The following NRXN1 variants were observed in gnomAD, a reference collection of about 807,000 sequenced individuals.
The protein encoded by NRXN1 is neurexin 1.
NRXN1 carries 39 observed loss-of-function variants against 150.9 expected under a neutral mutation model. The ratio of observed to expected loss-of-function variants is 0.26; its 90% confidence interval spans 0.20 to 0.34. The LOEUF (loss-of-function observed/expected upper bound fraction) is 0.34, where lower values mean the gene tolerates loss of function less well. NRXN1 is among the 10% of genes least tolerant of loss of function. The pLI is 1.00. For missense variants in NRXN1, 1,815 were observed against 1,949.9 expected (o/e 0.93, Z 1.30); for synonymous variants, 924 against 757.0 (o/e 1.22, Z -3.62).
At chr2:50,646,836 C>T (rs951252868) in intron 5 of NRXN1, among the ~76,000 whole-genome samples, 1 of 151,228 alleles carries the variant, frequency 6.6e-6, no homozygotes, top group African/African-American at 2.4e-5. Flanking sequence ...TATTTTATGC[C>T]CATTACTATA....
intron 21 of NRXN1, among the ~76,000 whole-genome samples, chr2:50,048,457 A>G (rs1436856836): frequency 6.6e-6 from 1 of 152,170 alleles, no homozygotes; most frequent in Non-Finnish European, 1.5e-5. Flanking sequence ...TTTAATAAAA[A>G]TAAAATTTTG....
intron 17 of NRXN1, among the ~76,000 whole-genome samples, chr2:50,253,784 C>A (rs569426629): frequency 6.6e-6 from 1 of 152,052 alleles, no homozygotes. Flanking sequence ...GGTGGATAAG[C>A]TTTTTGATGT....
intron 5 of NRXN1, among the ~76,000 whole-genome samples, chr2:50,655,133 G>T (rs947916207): frequency 2.6e-5 from 4 of 151,710 alleles, no homozygotes; most frequent in Admixed American, 6.6e-5. Flanking sequence ...GTGATTAAAT[G>T]GTAAATTGGA....
chr2:50,366,198 T>C (rs1020049647), intron 17 of NRXN1, among the ~76,000 whole-genome samples: 8 of 151,294 alleles, frequency 5.3e-5, no homozygotes, highest in Non-Finnish European at 1.2e-4. Context: ...GCTGACAGGT[T>C]AGAGAATGCA....
chr2:50,990,941 C>T (rs1698452348), intron 2 of NRXN1, among the ~76,000 whole-genome samples: 1 of 152,018 alleles, frequency 6.6e-6, no homozygotes, highest in Non-Finnish European at 1.5e-5. Flanking sequence ...TGGGAGCATC[C>T]AATAGACCTG....
At chr2:50,296,492 A>G (rs1205248646) in intron 17 of NRXN1, among the ~76,000 whole-genome samples, 2 of 129,896 alleles carry the variant, frequency 1.5e-5, no homozygotes, top group African/African-American at 5.2e-5. Context: ...CCCTCTGCAT[A>G]TCCATGTGTA....
chr2:50,743,719 C>T (rs1324217584), intron 5 of NRXN1, among the ~76,000 whole-genome samples: 1 of 152,152 alleles, frequency 6.6e-6, no homozygotes, highest in Admixed American at 6.5e-5. Context: ...CCATCTTCTC[C>T]TTTTCCTTAC....
intron 13 of NRXN1, among the ~76,000 whole-genome samples, chr2:50,504,064 A>G (rs13411340): frequency 0.051 from 7,699 of 151,674 alleles, 661 homozygotes; most frequent in African/African-American, 0.18. Flanking sequence ...ATACTTCAAC[A>G]ATGTTAATGT....
intron 21 of NRXN1, among the ~76,000 whole-genome samples, chr2:49,983,355 T>C (rs1310226720): frequency 2.0e-5 from 3 of 152,328 alleles, no homozygotes; most frequent in East Asian, 1.9e-4. Context: ...TAAATGTCAA[T>C]GTGATACTCA....
At chr2:50,245,245 G>A (rs2066389663) in intron 17 of NRXN1, among the ~76,000 whole-genome samples, 1 of 151,934 alleles carries the variant, frequency 6.6e-6, no homozygotes, top group African/African-American at 2.4e-5. Flanking sequence ...TCTTGGTCCA[G>A]GTTACCTGGC....
chr2:50,606,412 G>C (rs905380458), intron 8 of NRXN1, among the ~76,000 whole-genome samples: 12 of 151,816 alleles, frequency 7.9e-5, no homozygotes, highest in African/African-American at 2.9e-4. Context: ...TAGAAGCAAA[G>C]AATAGAATTG....
At chr2:50,971,833 G>A (rs1029883375) in intron 2 of NRXN1, among the ~76,000 whole-genome samples, 8 of 151,744 alleles carry the variant, frequency 5.3e-5, no homozygotes, top group Non-Finnish European at 1.2e-4. Flanking sequence ...ACAGATTTAC[G>A]CATTTACAGG....
At chr2:51,022,100 A>G (rs1312833149) in intron 2 of NRXN1, among the ~76,000 whole-genome samples, 1 of 152,088 alleles carries the variant, frequency 6.6e-6, no homozygotes, top group Non-Finnish European at 1.5e-5. Flanking sequence ...CTTTTAGACA[A>G]GAAGAAGTTC....
intron 5 of NRXN1, among the ~76,000 whole-genome samples, chr2:50,782,355 A>G (rs937837927): frequency 3.9e-5 from 6 of 152,044 alleles, no homozygotes. Context: ...TTGTAGTCCC[A>G]GCTACTCGGG....
intron 17 of NRXN1, among the ~76,000 whole-genome samples, chr2:50,246,310 G>A (rs1472583821): frequency 3.3e-5 from 5 of 151,770 alleles, no homozygotes; most frequent in Non-Finnish European, 7.4e-5. Context: ...ATGACTTTTT[G>A]GCAGTGACAC....
intron 17 of NRXN1, among the ~76,000 whole-genome samples, chr2:50,371,922 C>G (rs13428231): frequency 0.19 from 28,152 of 151,908 alleles, 4,676 homozygotes; most frequent in African/African-American, 0.42. Flanking sequence ...AACCAACCAC[C>G]TCTCATGTTA....
intron 17 of NRXN1, among the ~76,000 whole-genome samples, chr2:50,359,687 G>T (rs1180730657): frequency 6.6e-6 from 1 of 152,058 alleles, no homozygotes; most frequent in Non-Finnish European, 1.5e-5. Flanking sequence ...ACACACTTCA[G>T]GATATTATCC....
chr2:50,401,413 C>G (rs1317479965), intron 17 of NRXN1, among the ~76,000 whole-genome samples: 1 of 152,060 alleles, frequency 6.6e-6, no homozygotes, highest in Non-Finnish European at 1.5e-5. Context: ...GACATGTGTC[C>G]TTTGGCAAAT....
At chr2:50,944,932 T>A (rs1690091037) in intron 2 of NRXN1, among the ~76,000 whole-genome samples, 1 of 152,188 alleles carries the variant, frequency 6.6e-6, no homozygotes, top group Non-Finnish European at 1.5e-5. Context: ...CAAATGCAGG[T>A]TTCTTTTTTT....
Sources: allele counts gnomAD v4.1 joint callset (sites outside exome capture counted in the v4.1 genomes callset), GRCh38; gene constraint gnomAD v4.1.1; transcripts MANE v1.5; gene names NCBI Gene and HGNC (gene_info 2026-07-23, HGNC 2026-07-21).